The following RNF128 variants were observed in gnomAD, a reference collection of about 807,000 sequenced individuals.
RNF128 encodes ring finger protein 128.
In RNF128, 13 loss-of-function variants were observed where a neutral mutation model predicts 26.2. That is an observed-to-expected ratio of 0.50 (90% CI 0.32 to 0.79). The LOEUF is 0.79. Ranked by LOEUF, RNF128 falls within the 30% of genes least tolerant of loss-of-function variation. RNF128 has a pLI of 0.03. For missense variants in RNF128, 315 were observed against 349.7 expected (o/e 0.90, Z 0.79); for synonymous variants, 149 against 142.5 (o/e 1.05, Z -0.32).
chrX:106,788,037 G>T, intron 4 of RNF128, 37 bp downstream of exon 4: 1 of 839,256 alleles, frequency 1.2e-6, no homozygotes. Flanking sequence ...CAATAAAATA[G>T]CTGACCCACA....
In RNF128 at chrX:106,790,279, T is replaced by C; in HGVS notation, c.981T>C (p.Ile327=). The C allele has an allele frequency of 8.7e-7, 1 of 1,150,051 alleles. No individual in the cohort carries two copies. Among genetic ancestry groups the C allele is most frequent in the Non-Finnish European group, 1.2e-6 (1 of 841,065 alleles). 94.8% of individuals were successfully genotyped at this position (1,150,051 alleles called of 1,213,427 possible). A position where few individuals can be genotyped will look rare whatever the true frequency, so the allele number is the denominator to read the frequency against. The change falls in exon 5 of 7, where the codon ATT becomes ATC. Residue 327 remains isoleucine (I), a synonymous_variant. Transcript: ENST00000255499. ...CKCDILKALG[I]EVDVEDGSVS... ...GTGACATACTCAAAGCTTTGGGAAT[T>C]GAGGTAAACATTAATATGTTATTTA...
intron 1 of RNF128, among the ~76,000 whole-genome samples, chrX:106,743,891 G>A (rs1184320081): frequency 9.0e-6 from 1 of 111,614 alleles, no homozygotes; most frequent in Non-Finnish European, 1.9e-5. Flanking sequence ...AAGAAAATGT[G>A]GCACATATAC....
rs192918385 is a variant in RNF128, at chrX:106,715,228, T to A, written c.406+20820T>A. 2.0e-4 allele frequency among the ~76,000 whole-genome samples: 22 copies of A among 112,236 alleles called. No individual in the cohort carries two copies. In the East Asian group the frequency reaches 4.5e-3, roughly 23 times the overall value. ...TTTGGTGTAGACACATTATTTTTTTTAATTTTAGCCATTCTGGTAGGTATG... is the reference window on the plus strand; with the variant it reads ...TTTGGTGTAGACACATTATTTTTTTAAATTTTAGCCATTCTGGTAGGTATG... On this transcript the variant is annotated intron_variant, in intron 1 of 6. Transcript: ENST00000324342.
At chrX:106,694,075 T>C in exon 1 of RNF128, 1 of 1,205,417 alleles carries the variant, frequency 8.3e-7, no homozygotes, top group Non-Finnish European at 1.1e-6. Context: ...AATTACAGCA[T>C]CTTTTTCAAT....
intron 1 of RNF128, among the ~76,000 whole-genome samples, chrX:106,745,502 A>C (rs1233400285): frequency 8.9e-6 from 1 of 111,951 alleles, no homozygotes; most frequent in African/African-American, 3.2e-5. Context: ...CAGGTAAAGA[A>C]AGAAAAGAAA....
chrX:106,744,114 G>C (rs763385558), intron 1 of RNF128, among the ~76,000 whole-genome samples: 1 of 110,353 alleles, frequency 9.1e-6, no homozygotes, highest in Non-Finnish European at 1.9e-5. Flanking sequence ...GTGGGGGAAG[G>C]GGGGAGGGAT....
intron 1 of RNF128, chrX:106,694,425 T>A (rs1166755139): frequency 8.8e-7 from 1 of 1,141,084 alleles, no homozygotes; most frequent in South Asian, 2.1e-5. Flanking sequence ...AATAATTGAT[T>A]CACAAAGAGA....
At chrX:106,713,093 C>T (rs1485081757) in intron 1 of RNF128, among the ~76,000 whole-genome samples, 4 of 108,223 alleles carry the variant, frequency 3.7e-5, no homozygotes, top group African/African-American at 1.3e-4. Flanking sequence ...GTTGGCCAGG[C>T]TGGTCTCGAA....
rs776517274 is a variant in RNF128 at position 106,751,272 on chromosome X, A to G, written c.485-21641A>G. Among the ~76,000 whole-genome samples the G allele has an allele frequency of 2.7e-5, 3 of 111,096 alleles. No homozygotes were observed. In the Admixed American group the frequency reaches 2.9e-4, roughly 11 times the overall value. Reference sequence around the variant, plus strand: ...GCACAGAGAGAAAATCTGTGTGTTTAGGGGAAGGAGAGCACAGTGATTGTG... The same window carrying G: ...GCACAGAGAGAAAATCTGTGTGTTTGGGGGAAGGAGAGCACAGTGATTGTG... On this transcript the variant is annotated intron_variant, in intron 1 of 6. Coordinates refer to ENST00000255499, the MANE Select transcript of RNF128 (RefSeq NM_194463.2).
In RNF128 at chrX:106,727,295, T is replaced by G. The variant is rs751960500; in HGVS notation, c.382T>G (p.Phe128Val). 2.5e-6 allele frequency: 3 copies of G among 1,211,649 alleles called. No individual in the cohort carries two copies. The highest frequency in any genetic ancestry group is 4.3e-5 in the Admixed American group (2 of 46,100). The part of the protein sequence containing the change: ...ALIQRGGGCT[F>V]ADKIHLAYER... ...CATCCAACGCGGCGGGGGCTGCACC[T>G]TCGCAGACAAGATCCATCTGGCTTA... The change falls in exon 1 of 7, where the codon TTC becomes GTC. Residue 128 changes from phenylalanine (F) to valine (V), a missense_variant. By Grantham distance (50) the Phe-to-Val change is conservative (BLOSUM62 -1). Transcript: ENST00000255499.
intron 1 of RNF128, among the ~76,000 whole-genome samples, chrX:106,770,925 CAG>C (rs760209041): frequency 3.5e-4 from 39 of 112,093 alleles, no homozygotes; most frequent in Admixed American, 6.6e-4. Context: ...GACGTACTGA[CAG>C]GGTTTTGGTG....
chrX:106,764,256 C>T (rs941223653), intron 1 of RNF128, among the ~76,000 whole-genome samples: 2 of 110,992 alleles, frequency 1.8e-5, no homozygotes, highest in Non-Finnish European at 3.8e-5. Context: ...TGAGCCACCA[C>T]GCCCGGCCTT....
At chrX:106,698,165 G>A (rs960010380) in intron 1 of RNF128, among the ~76,000 whole-genome samples, 1 of 105,990 alleles carries the variant, frequency 9.4e-6, no homozygotes, top group Admixed American at 1.0e-4. Flanking sequence ...CGCGTAACAT[G>A]TTAAGTACTT....
At chrX:106,722,856 G>A (rs1057293846), upstream of RNF128, among the ~76,000 whole-genome samples, 5 of 111,157 alleles carry the variant, frequency 4.5e-5, no homozygotes. Flanking sequence ...AGGGTTGCTC[G>A]GTGAGGATGA....
In RNF128 at chrX:106,741,816, A is replaced by T. The variant is rs570014951; in HGVS notation, c.484+14419A>T. Among the ~76,000 whole-genome samples, 4 of 112,106 alleles carry T rather than the reference A, an allele frequency of 3.6e-5. No homozygotes were observed. The South Asian group carries it at 1.5e-3, about 42-fold the overall frequency. On this transcript the variant is annotated intron_variant, in intron 1 of 6. Coordinates refer to ENST00000255499, the MANE Select transcript of RNF128 (RefSeq NM_194463.2). Reference sequence around the variant, plus strand: ...CTAGTTGCTATAGATACAGTGATGAAAGACCTAGTCCCTAACATGAAGTTC... The same window carrying T: ...CTAGTTGCTATAGATACAGTGATGATAGACCTAGTCCCTAACATGAAGTTC...
At chrX:106,733,784 T>C (rs988408446) in intron 1 of RNF128, among the ~76,000 whole-genome samples, 2 of 110,982 alleles carry the variant, frequency 1.8e-5, no homozygotes, top group African/African-American at 6.6e-5. Context: ...CACTGAAACC[T>C]CCTCTTCCCG....
At chrX:106,788,396 TTA>T (rs1491416067) in intron 4 of RNF128, among the ~76,000 whole-genome samples, 1 of 43,315 alleles carries the variant, frequency 2.3e-5, no homozygotes, top group African/African-American at 1.4e-4. Context: ...ATAATATATA[TTA>T]TATATAATAT....
At chrX:106,777,223 G>A (rs1930480929) in intron 2 of RNF128, among the ~76,000 whole-genome samples, 1 of 111,941 alleles carries the variant, frequency 8.9e-6, no homozygotes, top group Admixed American at 9.5e-5. Flanking sequence ...TACCAAGGGA[G>A]AGTGACTGGC....
At chrX:106,707,840 T>C (rs1443957920) in intron 1 of RNF128, among the ~76,000 whole-genome samples, 1 of 111,275 alleles carries the variant, frequency 9.0e-6, no homozygotes, top group East Asian at 2.8e-4. Flanking sequence ...GTACTACTGA[T>C]AACTTAGCAG....
Sources: gnomAD v4.1 joint callset for allele counts (sites outside exome capture counted in the v4.1 genomes callset) on GRCh38, gnomAD v4.1.1 for gene constraint, MANE v1.5 for transcripts, NCBI Gene and HGNC (gene_info 2026-07-23, HGNC 2026-07-21) for gene names.